The following CYP3A7 variants were observed in gnomAD, a reference collection of about 807,000 sequenced individuals.
CYP3A7 encodes cytochrome P450 family 3 subfamily A member 7, also known as cytochrome P450 3A7.
Under a neutral mutation model 55.2 loss-of-function variants are expected in CYP3A7, and 45 were observed. The observed-to-expected ratio is 0.82, with a 90% confidence interval of 0.64 to 1.05. The LOEUF (loss-of-function observed/expected upper bound fraction) is 1.05. CYP3A7 is among the 50% of genes least tolerant of loss of function. The pLI is 0.00. For missense variants in CYP3A7, 548 were observed against 605.3 expected (o/e 0.91, Z 0.99); for synonymous variants, 180 against 207.4 (o/e 0.87, Z 1.13).
chr7:99,713,566 G>A (rs375632080), intron 8 of CYP3A7, 31 bp from the exon 9 acceptor site: 3 of 1,612,836 alleles, frequency 1.9e-6, no homozygotes, highest in Non-Finnish European at 2.5e-6. Context: ...TTTATTGACA[G>A]AAAGTGACTC....
chr7:99,715,504 G>C, intron 7 of CYP3A7: 1 of 518,204 alleles, frequency 1.9e-6, no homozygotes, highest in Non-Finnish European at 3.4e-6. Flanking sequence ...ATCTATAGAT[G>C]CAGAAAGTTG....
At position 99,710,912 on chromosome 7, in the gene CYP3A7, A is replaced by G; in HGVS notation, c.866-20T>C. On this transcript the variant is annotated intron_variant, in intron 9 of 12. Coordinates refer to ENST00000336374, the MANE Select transcript of CYP3A7 (RefSeq NM_000765.5). ...ACAGAGCTGAAAGGAGAGAAAAGAC[A>G]TTTTAGGTAAATCAGGTCAATGTAG... The G allele has an allele frequency of 6.2e-7, 1 of 1,613,494 alleles. No individual in the cohort carries two copies. Among genetic ancestry groups the G allele is most frequent in the South Asian group, 1.1e-5 (1 of 91,076 alleles).
chr7:99,708,034 T>C (rs1217934746), intron 11 of CYP3A7, 60 bp from the exon 12 acceptor site: 1 of 1,612,044 alleles, frequency 6.2e-7, no homozygotes, highest in Non-Finnish European at 8.5e-7. Flanking sequence ...AAGAGTTACA[T>C]GTTAGGGTTT....
chr7:99,713,811 T>C (rs1813840582), intron 8 of CYP3A7, among the ~76,000 whole-genome samples: 2 of 152,218 alleles, frequency 1.3e-5, no homozygotes, highest in Admixed American at 6.5e-5. Context: ...CTGGGCCTTT[T>C]ATTCTTCTGT....
chr7:99,717,556 A>G lies in CYP3A7; in HGVS notation c.402T>C (p.Ser134=). 6.2e-7 allele frequency: 1 copy of G among 1,613,760 alleles called. No homozygotes were observed. The highest frequency in any genetic ancestry group is 8.5e-7 in the Non-Finnish European group (1 of 1,179,804). Reference sequence around the variant, plus strand: ...TGAGTTTTCCGCTGGTGAATGTTGGAGACAGCAATGATCGTATTCTCTTCC... The same window carrying G: ...TGAGTTTTCCGCTGGTGAATGTTGGGGACAGCAATGATCGTATTCTCTTCC... ...EEWKRIRSLL[S]PTFTSGKLKE... is the part of the protein sequence containing the mutation. The change falls in exon 5 of 13, where the codon TCT becomes TCC. Residue 134 remains serine, a synonymous_variant. Transcript: ENST00000336374.
chr7:99,714,435 A>G (rs1282472815), intron 8 of CYP3A7, 120 bp downstream of exon 8: 17 of 1,476,494 alleles, frequency 1.2e-5, no homozygotes, highest in Non-Finnish European at 1.5e-5. Context: ...CTCTAAACAT[A>G]AGTACTCTTT....
intron 1 of CYP3A7, among the ~76,000 whole-genome samples, chr7:99,732,748 A>G (rs987955498): frequency 1.3e-5 from 2 of 152,274 alleles, no homozygotes; most frequent in African/African-American, 2.4e-5. Context: ...CAAATTAGGA[A>G]AATGTGGTTC....
At chr7:99,732,866 A>C (rs1814679136) in intron 1 of CYP3A7, among the ~76,000 whole-genome samples, 1 of 152,144 alleles carries the variant, frequency 6.6e-6, no homozygotes, top group African/African-American at 2.4e-5. Context: ...CAAAAGATGG[A>C]GTATTCCACA....
intron 4 of CYP3A7, among the ~76,000 whole-genome samples, chr7:99,720,048 C>A (rs1245532365): frequency 1.3e-5 from 2 of 152,156 alleles, no homozygotes; most frequent in East Asian, 3.9e-4. Context: ...ACTACCCACA[C>A]AAATGAGGGC....
chr7:99,733,044 A>T (rs991813122), intron 1 of CYP3A7, among the ~76,000 whole-genome samples: 1 of 152,218 alleles, frequency 6.6e-6, no homozygotes, highest in African/African-American at 2.4e-5. Context: ...TCGTGTTTGG[A>T]GAACCCAGCA....
In CYP3A7 at chr7:99,710,746, C is replaced by T. The variant is rs372734706; in HGVS notation, c.1012G>A (p.Val338Ile). 3 of 1,613,836 alleles carry T rather than the reference C, an allele frequency of 1.9e-6. No homozygotes were observed. Among genetic ancestry groups the T allele is most frequent in the Non-Finnish European group, 2.5e-6 (3 of 1,179,840 alleles). Residue 338 changes from valine (V) to isoleucine (I), a missense_variant, in exon 10 of 13, where the codon GTT becomes ATT. Transcript: ENST00000336374. ...TGTCCACTCACCTTATTGGGTAAAA[C>T]TGTATCAATTTCCTTCTGCACTTTC... ...QQKVQKEIDT[V>I]LPNKAPPTYD...
chr7:99,730,293 T>C (rs539769628), intron 2 of CYP3A7, among the ~76,000 whole-genome samples: 2 of 152,314 alleles, frequency 1.3e-5, no homozygotes, highest in African/African-American at 2.4e-5. Context: ...TCTGCCTTTG[T>C]GTAAAAAATA....
chr7:99,727,464 A>G (rs952612679), intron 2 of CYP3A7, among the ~76,000 whole-genome samples: 9 of 152,026 alleles, frequency 5.9e-5, no homozygotes, highest in African/African-American at 1.7e-4. Flanking sequence ...GTCTCCCACA[A>G]TTACCATTGT....
intron 1 of CYP3A7, among the ~76,000 whole-genome samples, chr7:99,732,361 T>G (rs1427504551): frequency 6.6e-6 from 1 of 152,170 alleles, no homozygotes; most frequent in Non-Finnish European, 1.5e-5. Flanking sequence ...CAATTAAATC[T>G]CTTTCCTTTC....
chr7:99,723,052 A>C (rs945421759), intron 2 of CYP3A7, among the ~76,000 whole-genome samples: 12 of 152,082 alleles, frequency 7.9e-5, no homozygotes, highest in African/African-American at 1.9e-4. Flanking sequence ...CTGTTTCTAC[A>C]TTTCAGGGGT....
At position 99,705,372 on chromosome 7, in the gene CYP3A7, G is replaced by A. The variant is rs1012085027; in HGVS notation, c.*128C>T. On this transcript the variant is annotated 3_prime_UTR_variant, in exon 13 of 13. Transcript: ENST00000336374. ...AGCACAATGCACGTACAGAATCCCT[G>A]ATTATTTATGCAGCACATTGGATGA... 1 of 1,080,316 alleles carries A rather than the reference G, an allele frequency of 9.3e-7. No homozygotes were observed. Among genetic ancestry groups the A allele is most frequent in the South Asian group, 1.3e-5 (1 of 77,334 alleles). The allele number at this position is 1,080,316 out of a possible 1,614,324, so 66.9% of individuals were successfully genotyped here.
In CYP3A7 at chr7:99,708,009, A is replaced by T. The variant is rs201389672; in HGVS notation, c.1254-35T>A. The T allele has an allele frequency of 3.1e-6, 5 of 1,613,468 alleles. No homozygotes were observed. In the East Asian group the frequency reaches 1.1e-4, roughly 36 times the overall value. ...TATTGGTAGATATTTTAAAAGTTAAAGACATAATACCTCTAAGAGTTACAT... is the reference window on the plus strand; with the variant it reads ...TATTGGTAGATATTTTAAAAGTTAATGACATAATACCTCTAAGAGTTACAT... On this transcript the variant is annotated intron_variant, in intron 11 of 12. Transcript: ENST00000336374.
At position 99,709,185 on chromosome 7, in the gene CYP3A7, G is replaced by T. The variant is rs148369346; in HGVS notation, c.1103C>A (p.Pro368Gln). 4 of 1,613,820 alleles carry T rather than the reference G, an allele frequency of 2.5e-6. No individual in the cohort carries two copies. The African/African-American group carries it at 5.3e-5, about 22-fold the overall frequency. The change falls in exon 11 of 13, where the codon CCA (proline) becomes CAA (glutamine). Residue 368 changes from proline to glutamine, a missense_variant. Coordinates refer to ENST00000336374, the MANE Select transcript of CYP3A7 (RefSeq NM_000765.5). ...GACCCTCTCAAGTCTCATAGCAACTGGGAATAATCTGAGTGTTTCATTCAC... is the reference window on the plus strand; with the variant it reads ...GACCCTCTCAAGTCTCATAGCAACTTGGAATAATCTGAGTGTTTCATTCAC... ...MVVNETLRLFPVAMRLERVCK... is the reference protein window; with the variant it reads ...MVVNETLRLFQVAMRLERVCK...
At chr7:99,705,628 T>G in intron 12 of CYP3A7, 33 bp from the exon 13 acceptor site, 1 of 1,609,882 alleles carries the variant, frequency 6.2e-7, no homozygotes, top group Non-Finnish European at 8.5e-7. Flanking sequence ...TTGAGAAGCA[T>G]TAAATAAAGC....
Sources: allele counts gnomAD v4.1 joint callset (sites outside exome capture counted in the v4.1 genomes callset), GRCh38; gene constraint gnomAD v4.1.1; transcripts MANE v1.5; gene names NCBI Gene and HGNC (gene_info 2026-07-23, HGNC 2026-07-21).